Variants in TMCO5A observed in about 807,000 individuals in gnomAD.
TMCO5A encodes transmembrane and coiled-coil domains 5A.
TMCO5A carries 34 observed loss-of-function variants against 42.3 expected under a neutral mutation model. That is an observed-to-expected ratio of 0.80 (90% CI 0.61 to 1.07). TMCO5A has a LOEUF of 1.07. TMCO5A is among the 50% of genes least tolerant of loss of function. TMCO5A has a pLI of 0.00. For synonymous variants in TMCO5A, 131 were observed against 115.6 expected, an observed-to-expected ratio of 1.13 and a Z score of -0.86; for missense variants, 357 against 327.9, an observed-to-expected ratio of 1.09 and a Z score of -0.69.
the TMCO5A span, among the ~76,000 whole-genome samples, chr15:38,032,413 T>C: frequency 1.3e-5 from 2 of 152,208 alleles, no homozygotes; most frequent in African/African-American, 4.8e-5. Flanking sequence ...TAACTAGCTG[T>C]GGAATGCCAA....
the TMCO5A span, among the ~76,000 whole-genome samples, chr15:38,023,277 A>G: frequency 1.0e-3 from 155 of 152,342 alleles, no homozygotes; most frequent in Middle Eastern, 3.4e-3. Flanking sequence ...GTAGCTTAAA[A>G]TACAAGAATA....
chr15:37,982,826 G>A, the TMCO5A span, among the ~76,000 whole-genome samples: 1 of 147,222 alleles, frequency 6.8e-6, no homozygotes, highest in South Asian at 2.1e-4. Context: ...ATATATATGT[G>A]TGTGTATATA....
At chr15:37,972,246 C>A (rs573049734), downstream of TMCO5A, among the ~76,000 whole-genome samples, 2 of 152,262 alleles carry the variant, frequency 1.3e-5, no homozygotes, top group African/African-American at 4.8e-5. Context: ...ATTTTTAATA[C>A]CATCTCCTGA....
intron 5 of TMCO5A, 76 bp from the exon 6 acceptor site, chr15:37,938,082 C>A: frequency 8.0e-7 from 1 of 1,254,074 alleles, no homozygotes; most frequent in South Asian, 1.3e-5. Flanking sequence ...GCCATAGTTA[C>A]TAATCTCCAC....
chr15:38,003,235 T>TCTCTCTCTCTCTCC, the TMCO5A span, among the ~76,000 whole-genome samples: 1 of 152,006 alleles, frequency 6.6e-6, no homozygotes, highest in African/African-American at 2.4e-5. Flanking sequence ...TCTCTCTCTC[T>TCTCTCTCTCTCTCC]CTCTCTCTCT....
chr15:37,993,998 G>A, the TMCO5A span, among the ~76,000 whole-genome samples: 1 of 152,158 alleles, frequency 6.6e-6, no homozygotes, highest in African/African-American at 2.4e-5. Flanking sequence ...ACAGATTCCT[G>A]GTGCTTCCTG....
intron 11 of TMCO5A, among the ~76,000 whole-genome samples, chr15:37,948,191 T>C (rs1890032487): frequency 6.6e-6 from 1 of 152,012 alleles, no homozygotes; most frequent in Non-Finnish European, 1.5e-5. Context: ...TTAAATTGAA[T>C]AAAAATTTAA....
At chr15:37,941,109 T>A in intron 6 of TMCO5A, 40 bp from the exon 7 acceptor site, 1 of 1,606,890 alleles carries the variant, frequency 6.2e-7, no homozygotes, top group East Asian at 2.2e-5. Context: ...CTGCACAGCT[T>A]TTACCTTGCC....
At chr15:38,040,643 G>T in the TMCO5A span, 1 of 152,194 alleles carries the variant, frequency 6.6e-6, no homozygotes, top group African/African-American at 2.4e-5. Flanking sequence ...GCTGAGACAT[G>T]CAACAACATG....
the TMCO5A span, among the ~76,000 whole-genome samples, chr15:38,009,085 G>A: frequency 2.0e-5 from 3 of 152,220 alleles, no homozygotes; most frequent in Non-Finnish European, 4.4e-5. Flanking sequence ...CGGGTCATAT[G>A]TGGAAAATCA....
intron 11 of TMCO5A, among the ~76,000 whole-genome samples, chr15:37,961,676 G>A (rs956170452): frequency 1.3e-5 from 2 of 152,106 alleles, no homozygotes; most frequent in Non-Finnish European, 2.9e-5. Flanking sequence ...AGCATGGGAT[G>A]TGTTTCCATT....
At chr15:37,983,841 C>T in the TMCO5A span, among the ~76,000 whole-genome samples, 2 of 151,836 alleles carry the variant, frequency 1.3e-5, no homozygotes, top group Admixed American at 6.6e-5. Flanking sequence ...TCTCCTGCCT[C>T]AGCCTCCCAA....
the TMCO5A span, among the ~76,000 whole-genome samples, chr15:38,006,960 G>A: frequency 6.6e-6 from 1 of 151,730 alleles, no homozygotes; most frequent in Non-Finnish European, 1.5e-5. Flanking sequence ...AGCAGCTGTA[G>A]ACAATGGATT....
chr15:37,970,055 G>A (rs948948476), downstream of TMCO5A, among the ~76,000 whole-genome samples: 19 of 152,188 alleles, frequency 1.2e-4, no homozygotes, highest in African/African-American at 4.6e-4. Context: ...GGGACTGCTG[G>A]GTTGAATGGT....
chr15:37,938,284 C>A, intron 6 of TMCO5A, 55 bp downstream of exon 6: 1 of 1,422,768 alleles, frequency 7.0e-7, no homozygotes, highest in Non-Finnish European at 9.6e-7. Context: ...AGGAAACAAG[C>A]TGTTAAGTTG....
chr15:38,015,387 C>G, the TMCO5A span, among the ~76,000 whole-genome samples: 1 of 152,126 alleles, frequency 6.6e-6, no homozygotes, highest in Non-Finnish European at 1.5e-5. Flanking sequence ...TGCCAAAACT[C>G]AAAACACTGA....
At chr15:37,937,049 T>A in intron 4 of TMCO5A, 79 bp downstream of exon 4, 1 of 1,572,752 alleles carries the variant, frequency 6.4e-7, no homozygotes, top group South Asian at 1.2e-5. Flanking sequence ...GATAAGCTTG[T>A]CTCTCCTTTT....
At chr15:37,998,753 T>C in the TMCO5A span, among the ~76,000 whole-genome samples, 2 of 152,180 alleles carry the variant, frequency 1.3e-5, no homozygotes, top group African/African-American at 4.8e-5. Flanking sequence ...GGTATTTTGA[T>C]AGAGATTGCA....
chr15:37,994,536 GT>G, the TMCO5A span: 1 of 152,198 alleles, frequency 6.6e-6, no homozygotes, highest in African/African-American at 2.4e-5. Context: ...ATTGCAATTG[GT>G]TGCGCTTTTG....
Sources: gnomAD v4.1 joint callset for allele counts (sites outside exome capture counted in the v4.1 genomes callset) on GRCh38, gnomAD v4.1.1 for gene constraint, MANE v1.5 for transcripts, NCBI Gene and HGNC (gene_info 2026-07-23, HGNC 2026-07-21) for gene names.